RP1: variants seen among roughly 807,000 people sequenced by gnomAD.
The protein encoded by RP1 is oxygen-regulated protein 1.
In RP1, 16 loss-of-function variants were observed where a neutral mutation model predicts 14.8. The ratio of observed to expected loss-of-function variants is 1.08; its 90% CI spans 0.73 to 1.65. The LOEUF (loss-of-function observed/expected upper bound fraction) is 1.65, where lower values mean the gene tolerates loss of function less well. Ranked by LOEUF, RP1 falls within the 40% of genes most tolerant of loss-of-function variation. RP1 has a pLI of 0.00. For missense variants in RP1, 2,631 were observed against 2,535.0 expected (o/e 1.04, Z -0.81); for synonymous variants, 876 against 883.6 (o/e 0.99, Z 0.15).
intron 12 of RP1, among the ~76,000 whole-genome samples, chr8:54,683,176 C>A (rs913833966): frequency 6.6e-6 from 1 of 152,152 alleles, no homozygotes; most frequent in Admixed American, 6.5e-5. Context: ...GTTTTGGTAA[C>A]AGTACCGTGC....
At chr8:54,753,187 T>C (rs1279927298) in intron 19 of RP1, among the ~76,000 whole-genome samples, 1 of 152,212 alleles carries the variant, frequency 6.6e-6, no homozygotes, top group African/African-American at 2.4e-5. Context: ...ACCTCTTGCC[T>C]GGAGCAAGTA....
chr8:54,658,198 G>T (rs1806796662), intron 6 of RP1, among the ~76,000 whole-genome samples: 1 of 152,112 alleles, frequency 6.6e-6, no homozygotes, highest in Non-Finnish European at 1.5e-5. Context: ...TTTGTGACTG[G>T]TTTATTTTAC....
rs1416101051 is a variant in RP1, at chr8:54,791,516, ATAAC to A, written c.3615+7811_3615+7814del. 5.9e-5 allele frequency among the ~76,000 whole-genome samples: 9 copies of A among 152,324 alleles called. No individual in the cohort carries two copies. In the South Asian group the frequency reaches 1.7e-3, roughly 28 times the overall value. On this transcript the variant is annotated intron_variant, in intron 24 of 28. Coordinates refer to the RP1 transcript ENST00000637698. ...TAGAGAAGTTAAAAATGTATTAAAA[ATAAC>A]TAACAACAATAACTTGCTATTAGAT...
At chr8:54,823,334 C>CT (rs1054733931) in intron 24 of RP1, among the ~76,000 whole-genome samples, 8 of 152,056 alleles carry the variant, frequency 5.3e-5, no homozygotes, top group African/African-American at 1.9e-4. Flanking sequence ...TTGTTTTCTT[C>CT]TTTTTTTATT....
intron 6 of RP1, among the ~76,000 whole-genome samples, chr8:54,661,936 T>C (rs375741860): frequency 2.0e-5 from 3 of 152,124 alleles, no homozygotes; most frequent in East Asian, 3.8e-4. Context: ...TTTTTTTCAG[T>C]TCTAAAATTT....
At chr8:54,784,971 T>C (rs945849452) in intron 24 of RP1, among the ~76,000 whole-genome samples, 1 of 152,074 alleles carries the variant, frequency 6.6e-6, no homozygotes, top group South Asian at 2.1e-4. Context: ...TAATTGTATA[T>C]ATTTATGGGG....
chr8:54,626,064 G>A lies in RP1; in HGVS notation c.2182G>A (p.Glu728Lys). The A allele has an allele frequency of 6.2e-7, 1 of 1,613,628 alleles. No individual in the cohort carries two copies. Among genetic ancestry groups the A allele is most frequent in the East Asian group, 2.2e-5 (1 of 44,840 alleles). Reference sequence around the variant, plus strand: ...TCCCCTTAAAGGAGGGATACTTTGTGAGGAAGACCTCCAGAAAAGTGATAC... The same window carrying A: ...TCCCCTTAAAGGAGGGATACTTTGTAAGGAAGACCTCCAGAAAAGTGATAC... ...DSPLKGGILC[E>K]EDLQKSDTVI... Residue 728 changes from glutamate (E) to lysine (K), a missense_variant, in exon 4 of 4, where the codon GAG becomes AAG. Transcript: ENST00000220676.
chr8:54,748,745 A>G (rs980632501), intron 19 of RP1, among the ~76,000 whole-genome samples: 9 of 152,230 alleles, frequency 5.9e-5, no homozygotes, highest in African/African-American at 2.2e-4. Context: ...ATAGAGTACT[A>G]TAAATACGTT....
chr8:54,853,456 C>T (rs1170214743), intron 26 of RP1, among the ~76,000 whole-genome samples: 1 of 152,150 alleles, frequency 6.6e-6, no homozygotes, highest in East Asian at 1.9e-4. Context: ...AGCCACCAGA[C>T]TGGGCACCAG....
chr8:54,849,024 C>T (rs577832615), intron 25 of RP1, among the ~76,000 whole-genome samples: 62 of 152,238 alleles, frequency 4.1e-4, no homozygotes, highest in African/African-American at 1.2e-3. Context: ...CCCGGGATTA[C>T]GGGTGTGAGC....
At chr8:54,798,416 A>G (rs1028954440) in intron 24 of RP1, among the ~76,000 whole-genome samples, 1 of 152,214 alleles carries the variant, frequency 6.6e-6, no homozygotes, top group African/African-American at 2.4e-5. Context: ...TAGAAAGTCT[A>G]TGAAGACTCC....
intron 3 of RP1, among the ~76,000 whole-genome samples, chr8:54,636,045 A>C (rs534165601): frequency 1.3e-5 from 2 of 152,164 alleles, no homozygotes; most frequent in East Asian, 3.9e-4. Context: ...TGGCACCCCT[A>C]ACCTTTCTGG....
At chr8:54,722,160 A>G (rs2129351052) in intron 16 of RP1, among the ~76,000 whole-genome samples, 1 of 150,994 alleles carries the variant, frequency 6.6e-6, no homozygotes, top group African/African-American at 2.4e-5. Context: ...TGAACCTGTG[A>G]GGCGGAGGGT....
chr8:54,581,148 C>A (rs1238526553), intron 1 of RP1, among the ~76,000 whole-genome samples: 1 of 151,990 alleles, frequency 6.6e-6, no homozygotes, highest in Non-Finnish European at 1.5e-5. Context: ...AATGCTATCC[C>A]TCCCCCCTTC....
chr8:54,786,686 A>C (rs1391835312), intron 24 of RP1, among the ~76,000 whole-genome samples: 1 of 151,982 alleles, frequency 6.6e-6, no homozygotes, highest in Non-Finnish European at 1.5e-5. Flanking sequence ...GCTTTTGTGG[A>C]GCACTGGATT....
At chr8:54,635,524 A>G (rs1388356181), downstream of RP1, among the ~76,000 whole-genome samples, 1 of 152,168 alleles carries the variant, frequency 6.6e-6, no homozygotes, top group Non-Finnish European at 1.5e-5. Context: ...TAAACACTAT[A>G]TTTATGTTCA....
At chr8:54,718,745 T>G (rs535764547) in intron 15 of RP1, among the ~76,000 whole-genome samples, 1 of 152,316 alleles carries the variant, frequency 6.6e-6, no homozygotes, top group Admixed American at 6.5e-5. Context: ...ATGATAAGAT[T>G]ACATATTATA....
chr8:54,601,944 G>A (rs1805302680), intron 1 of RP1, among the ~76,000 whole-genome samples: 2 of 152,106 alleles, frequency 1.3e-5, no homozygotes, highest in South Asian at 2.1e-4. Flanking sequence ...TGGTGGGATA[G>A]GTACAGTTTC....
chr8:54,732,563 A>T (rs1290869659), intron 17 of RP1, among the ~76,000 whole-genome samples: 1 of 152,130 alleles, frequency 6.6e-6, no homozygotes, highest in African/African-American at 2.4e-5. Context: ...GATGAATAAG[A>T]TATCCATAAG....
Sources: allele counts gnomAD v4.1 joint callset (sites outside exome capture counted in the v4.1 genomes callset), GRCh38; gene constraint gnomAD v4.1.1; transcripts MANE v1.5; gene names NCBI Gene and HGNC (gene_info 2026-07-23, HGNC 2026-07-21).